The following CFAP61 variants were observed in gnomAD, a reference collection of about 807,000 sequenced individuals.
The protein encoded by CFAP61 is cilia and flagella associated protein 61.
Under a neutral mutation model 135.6 loss-of-function variants are expected in CFAP61, and 107 were observed. The ratio of observed to expected loss-of-function variants is 0.79; its 90% confidence interval spans 0.67 to 0.93. CFAP61 has a LOEUF of 0.93. Ranked by LOEUF, CFAP61 falls within the 40% of genes least tolerant of loss-of-function variation. CFAP61 has a pLI of 0.00. For missense variants in CFAP61, 1,507 were observed against 1,556.2 expected, an observed-to-expected ratio of 0.97 and a Z score of 0.53; for synonymous variants, 575 against 578.5, an observed-to-expected ratio of 0.99 and a Z score of 0.09.
intron 24 of CFAP61, among the ~76,000 whole-genome samples, chr20:20,296,375 CTT>C (rs1424500960): frequency 3.8e-5 from 3 of 78,350 alleles, no homozygotes; most frequent in African/African-American, 9.3e-5. Context: ...TTCATCCCTC[CTT>C]CCCTCCCTCC....
intron 20 of CFAP61, among the ~76,000 whole-genome samples, chr20:20,259,245 CTTTTTTTTTTTTTTTTTT>C (rs3060665): frequency 1.3e-5 from 1 of 75,944 alleles, no homozygotes; most frequent in Non-Finnish European, 2.3e-5. Flanking sequence ...GCCCTTCCAT[CTTTTTTTTTTTTTTTTTT>C]TTTTTTTTTG....
intron 9 of CFAP61, among the ~76,000 whole-genome samples, chr20:20,154,213 A>C (rs6046664): frequency 0.18 from 27,295 of 152,090 alleles, 2,593 homozygotes; most frequent in East Asian, 0.2. Context: ...ACCTCAAGTA[A>C]TAAAAGCCAT....
chr20:20,304,354 A>G (rs918530407), intron 25 of CFAP61, among the ~76,000 whole-genome samples: 1 of 150,196 alleles, frequency 6.7e-6, no homozygotes, highest in Non-Finnish European at 1.5e-5. Context: ...TTGATTTACT[A>G]CTTTGGAAAA....
intron 13 of CFAP61, among the ~76,000 whole-genome samples, chr20:20,182,321 T>C (rs6035574): frequency 0.9 from 137,191 of 151,924 alleles, 62,775 homozygotes; most frequent in Middle Eastern, 0.99. Flanking sequence ...TAAAATAGTA[T>C]GCATCCTTAC....
intron 25 of CFAP61, among the ~76,000 whole-genome samples, chr20:20,331,207 C>T (rs1418227468): frequency 6.6e-5 from 10 of 152,180 alleles, no homozygotes; most frequent in Non-Finnish European, 1.5e-4. Flanking sequence ...TTTATTTACT[C>T]ATTCATTCAT....
chr20:20,116,810 A>G (rs2049178988), intron 8 of CFAP61, among the ~76,000 whole-genome samples: 1 of 151,714 alleles, frequency 6.6e-6, no homozygotes, highest in South Asian at 2.1e-4. Flanking sequence ...TCTTCATGAG[A>G]TCCACTTTTT....
intron 21 of CFAP61, among the ~76,000 whole-genome samples, chr20:20,265,999 G>A (rs544683318): frequency 1.8e-4 from 27 of 152,270 alleles, no homozygotes; most frequent in African/African-American, 6.3e-4. Context: ...CCCCACCTGA[G>A]CCAAGAACCA....
chr20:20,162,474 C>A (rs1259108936), intron 10 of CFAP61, among the ~76,000 whole-genome samples: 1 of 152,210 alleles, frequency 6.6e-6, no homozygotes, highest in Non-Finnish European at 1.5e-5. Context: ...AATGCCAGAT[C>A]TCTGCCTGAT....
In CFAP61 at chr20:20,258,147, G is replaced by T. The variant is rs181529049; in HGVS notation, c.2329-4809G>T. ...TTTACACTTAATTCAAAATATAAGA[G>T]AAATACCCAATCAAAGGGCAACAAA... On this transcript the variant is annotated intron_variant, in intron 20 of 26. Coordinates refer to ENST00000245957, the MANE Select transcript of CFAP61 (RefSeq NM_015585.4). 2.6e-3 allele frequency among the ~76,000 whole-genome samples: 395 copies of T among 152,270 alleles called. 1 individual carries two copies. Among genetic ancestry groups the T allele is most frequent in the Non-Finnish European group, 4.1e-3 (279 of 68,016 alleles).
intron 18 of CFAP61, chr20:20,232,720 T>C (rs1310258562): frequency 6.6e-6 from 1 of 152,220 alleles, no homozygotes; most frequent in Non-Finnish European, 1.5e-5. Context: ...TTTAATCCAT[T>C]ATTTTTAACT....
At chr20:20,157,159 G>A (rs769910213) in intron 9 of CFAP61, among the ~76,000 whole-genome samples, 8 of 152,008 alleles carry the variant, frequency 5.3e-5, no homozygotes, top group Non-Finnish European at 1.0e-4. Context: ...TGCAACCTCC[G>A]CCTCCCAGGT....
intron 22 of CFAP61, among the ~76,000 whole-genome samples, chr20:20,282,258 A>G (rs1045180478): frequency 6.6e-6 from 1 of 151,968 alleles, no homozygotes; most frequent in Non-Finnish European, 1.5e-5. Context: ...TCAATTAACC[A>G]GCTTTTGAGT....
intron 1 of CFAP61, chr20:20,056,044 A>G: frequency 6.5e-7 from 1 of 1,534,598 alleles, no homozygotes; most frequent in Non-Finnish European, 9.0e-7. Flanking sequence ...GAGTGTCGGA[A>G]AGGCTGGGTT....
chr20:20,269,164 C>CACAT (rs372986717), intron 21 of CFAP61, among the ~76,000 whole-genome samples: 1,484 of 112,326 alleles, frequency 0.013, 66 homozygotes, highest in African/African-American at 0.039. Context: ...CACACACACA[C>CACAT]ATACATATAT....
chr20:20,294,618 A>T (rs571837535), intron 24 of CFAP61, among the ~76,000 whole-genome samples: 1 of 152,192 alleles, frequency 6.6e-6, no homozygotes. Context: ...ATGATAATGC[A>T]GTCTTTACGT....
intron 13 of CFAP61, among the ~76,000 whole-genome samples, chr20:20,171,341 C>T (rs967348124): frequency 7.2e-5 from 11 of 152,304 alleles, no homozygotes; most frequent in East Asian, 1.9e-4. Context: ...GTCCAGGAAC[C>T]GAAGTTCCTT....
chr20:20,181,587 A>G (rs1376817330), intron 13 of CFAP61, among the ~76,000 whole-genome samples: 1 of 152,010 alleles, frequency 6.6e-6, no homozygotes, highest in Non-Finnish European at 1.5e-5. Context: ...GGACTAATAG[A>G]TTCGGGCATT....
chr20:20,137,304 G>A (rs962795496), intron 8 of CFAP61, among the ~76,000 whole-genome samples: 2 of 152,074 alleles, frequency 1.3e-5, no homozygotes, highest in Non-Finnish European at 2.9e-5. Flanking sequence ...AGGTGATGAA[G>A]CCATCCAGGC....
intron 20 of CFAP61, among the ~76,000 whole-genome samples, chr20:20,255,806 AT>A (rs1178830323): frequency 6.6e-6 from 1 of 152,232 alleles, no homozygotes; most frequent in African/African-American, 2.4e-5. Flanking sequence ...TGCCTCTTCC[AT>A]CTAAGAGGTA....
Sources: allele counts gnomAD v4.1 joint callset (sites outside exome capture counted in the v4.1 genomes callset), GRCh38; gene constraint gnomAD v4.1.1; transcripts MANE v1.5; gene names NCBI Gene and HGNC (gene_info 2026-07-23, HGNC 2026-07-21).